CADM2: variants seen among roughly 807,000 people sequenced by gnomAD.
CADM2 encodes cell adhesion molecule 2, also known as immunoglobulin superfamily member 4D.
CADM2 carries 12 observed loss-of-function variants against 49.8 expected under a neutral mutation model. The observed-to-expected ratio is 0.24, with a 90% CI of 0.15 to 0.39. The LOEUF (loss-of-function observed/expected upper bound fraction) is 0.39. Ranked by LOEUF, CADM2 falls within the 10% of genes least tolerant of loss-of-function variation. The pLI, the probability that CADM2 is intolerant of heterozygous loss-of-function variation, is 1.00. For synonymous variants in CADM2, 214 were observed against 175.4 expected (o/e 1.22, Z -1.74); for missense variants, 378 against 492.3 (o/e 0.77, Z 2.20).
chr3:85,403,727 T>C (rs557619638), intron 1 of CADM2, among the ~76,000 whole-genome samples: 1 of 152,260 alleles, frequency 6.6e-6, no homozygotes, highest in East Asian at 1.9e-4. Flanking sequence ...TATGGGTTTT[T>C]AGATTTCAAA....
chr3:85,066,595 C>T (rs1164595958), intron 1 of CADM2, among the ~76,000 whole-genome samples: 2 of 152,000 alleles, frequency 1.3e-5, no homozygotes, highest in African/African-American at 4.8e-5. Context: ...TGTATCATCA[C>T]CAGGCTGCTG....
chr3:85,671,386 G>C (rs2065730377), intron 1 of CADM2, among the ~76,000 whole-genome samples: 1 of 152,118 alleles, frequency 6.6e-6, no homozygotes, highest in Non-Finnish European at 1.5e-5. Context: ...AATTATAGTA[G>C]AGCAACAAAC....
At chr3:85,225,882 T>C (rs1472072412) in intron 1 of CADM2, among the ~76,000 whole-genome samples, 1 of 152,232 alleles carries the variant, frequency 6.6e-6, no homozygotes, top group Admixed American at 6.5e-5. Context: ...TCATTGTTTC[T>C]GTTTATGTGA....
chr3:85,997,617 A>G (rs1474802602), intron 8 of CADM2, among the ~76,000 whole-genome samples: 5 of 152,170 alleles, frequency 3.3e-5, no homozygotes, highest in Admixed American at 6.5e-5. Context: ...ACTATGTTTG[A>G]TGAATTTTAG....
chr3:85,408,010 C>CAAAA (rs372349246), intron 1 of CADM2, among the ~76,000 whole-genome samples: 960 of 55,870 alleles, frequency 0.017, 2 homozygotes, highest in South Asian at 0.026. Flanking sequence ...AAAACAAAAC[C>CAAAA]AAAAAAAAAA....
At chr3:86,038,216 A>C (rs1172806133) in intron 8 of CADM2, among the ~76,000 whole-genome samples, 4 of 152,214 alleles carry the variant, frequency 2.6e-5, no homozygotes, top group Admixed American at 6.5e-5. Flanking sequence ...TTGTTTTCTC[A>C]ACTTCTTAAC....
intron 1 of CADM2, among the ~76,000 whole-genome samples, chr3:85,208,003 G>A (rs1289435201): frequency 1.3e-5 from 2 of 152,134 alleles, no homozygotes; most frequent in Non-Finnish European, 2.9e-5. Context: ...GTAAAAGACT[G>A]TTTTAATCTT....
At chr3:85,385,021 C>T (rs755760628) in intron 1 of CADM2, among the ~76,000 whole-genome samples, 12 of 152,066 alleles carry the variant, frequency 7.9e-5, no homozygotes, top group Non-Finnish European at 1.3e-4. Flanking sequence ...CTGCCACTGC[C>T]GCCTCCAAGG....
chr3:85,771,332 TG>T (rs1340413115), intron 2 of CADM2, among the ~76,000 whole-genome samples: 2 of 152,124 alleles, frequency 1.3e-5, no homozygotes, highest in African/African-American at 4.8e-5. Context: ...AATGTTCCTA[TG>T]GTTGCATTAA....
At position 86,065,800 on chromosome 3, in the gene CADM2, A is replaced by G. The variant is rs796092960; in HGVS notation, c.1096+70A>G. The G allele has an allele frequency of 2.5e-5, 37 of 1,465,952 alleles. No homozygotes were observed. The African/African-American group carries it at 4.3e-4, about 17-fold the overall frequency. The allele number at this position is 1,465,952 out of a possible 1,614,324, so 90.8% of individuals were successfully genotyped here. A position where few individuals can be genotyped will look rare whatever the true frequency, so the allele number is the denominator to read the frequency against. On this transcript the variant is annotated intron_variant, in intron 9 of 9. Transcript: ENST00000383699. ...TAGACTAACTTCATTATAAAATATG[A>G]TATCAGTGCATATATGTTTCTGTAC...
intron 1 of CADM2, among the ~76,000 whole-genome samples, chr3:85,651,106 C>T (rs916953813): frequency 5.3e-5 from 8 of 151,800 alleles, no homozygotes; most frequent in African/African-American, 1.9e-4. Flanking sequence ...CTCAGGGCTA[C>T]AACATAAATA....
chr3:85,984,648 T>C (rs1176279812), intron 8 of CADM2, among the ~76,000 whole-genome samples: 2 of 151,920 alleles, frequency 1.3e-5, no homozygotes, highest in African/African-American at 4.8e-5. Flanking sequence ...TATGGAAAGA[T>C]GTAAACCAGT....
At chr3:84,984,348 G>T (rs1482062830) in intron 1 of CADM2, among the ~76,000 whole-genome samples, 1 of 72,142 alleles carries the variant, frequency 1.4e-5, no homozygotes, top group East Asian at 5.3e-4. Flanking sequence ...GCCACCTCAA[G>T]ATTAAGCTAA....
chr3:85,454,665 C>G (rs905317210), intron 1 of CADM2, among the ~76,000 whole-genome samples: 5 of 152,258 alleles, frequency 3.3e-5, no homozygotes, highest in African/African-American at 9.6e-5. Context: ...AAACTGAATG[C>G]ATATTCAGAC....
At chr3:85,309,371 A>C (rs2044288785) in intron 1 of CADM2, among the ~76,000 whole-genome samples, 1 of 152,094 alleles carries the variant, frequency 6.6e-6, no homozygotes, top group Admixed American at 6.6e-5. Flanking sequence ...GGTTGTTTGG[A>C]TTCAAATTTC....
chr3:85,635,955 T>C (rs2064461403), intron 1 of CADM2, among the ~76,000 whole-genome samples: 1 of 152,186 alleles, frequency 6.6e-6, no homozygotes, highest in African/African-American at 2.4e-5. Context: ...CATATGTTTC[T>C]GGTGATGCTG....
chr3:85,388,247 G>A, intron 1 of CADM2, among the ~76,000 whole-genome samples: 1 of 152,066 alleles, frequency 6.6e-6, no homozygotes, highest in Non-Finnish European at 1.5e-5. Flanking sequence ...AATGGTCTTG[G>A]ACTCCTGCCA....
At chr3:85,233,351 A>G (rs2042340569) in intron 1 of CADM2, among the ~76,000 whole-genome samples, 1 of 152,098 alleles carries the variant, frequency 6.6e-6, no homozygotes, top group Non-Finnish European at 1.5e-5. Flanking sequence ...ATAGGCCTTT[A>G]TAATACAGTC....
intron 1 of CADM2, among the ~76,000 whole-genome samples, chr3:85,530,890 A>G (rs1292164302): frequency 6.7e-6 from 1 of 149,834 alleles, no homozygotes; most frequent in Non-Finnish European, 1.5e-5. Flanking sequence ...ACACACACAC[A>G]CACACACACA....
Sources: allele counts gnomAD v4.1 joint callset (sites outside exome capture counted in the v4.1 genomes callset), GRCh38; gene constraint gnomAD v4.1.1; transcripts MANE v1.5; gene names NCBI Gene and HGNC (gene_info 2026-07-23, HGNC 2026-07-21).